SETBP1: variants seen among roughly 807,000 people sequenced by gnomAD.
SETBP1 encodes SET binding protein 1, also known as SET-binding protein.
In SETBP1, 9 loss-of-function variants were observed where a neutral mutation model predicts 101.0. The ratio of observed to expected loss-of-function variants is 0.09; its 90% CI spans 0.05 to 0.16. The LOEUF is 0.16. Among genes scored for constraint, SETBP1 ranks in the 10% least tolerant of loss-of-function variants. The pLI is 1.00. For missense variants in SETBP1, 1,858 were observed against 2,033.8 expected (o/e 0.91, Z 1.66); for synonymous variants, 818 against 788.5 (o/e 1.04, Z -0.63).
chr18:44,701,123 C>G (rs2144193640), intron 1 of SETBP1, 52 bp from the exon 2 acceptor site: 1 of 438,656 alleles, frequency 2.3e-6, no homozygotes, highest in South Asian at 7.7e-5. Context: ...ATTGAGTAAC[C>G]TTGGGGGTCA....
At chr18:44,700,158 A>G (rs566545102) in intron 1 of SETBP1, among the ~76,000 whole-genome samples, 74 of 152,212 alleles carry the variant, frequency 4.9e-4, no homozygotes, top group African/African-American at 1.7e-3. Context: ...TTTGAAAATT[A>G]TGAGTATGAA....
intron 1 of SETBP1, among the ~76,000 whole-genome samples, chr18:44,685,001 T>G (rs1229876165): frequency 6.6e-6 from 1 of 152,156 alleles, no homozygotes; most frequent in Non-Finnish European, 1.5e-5. Flanking sequence ...GTTGACTTCC[T>G]ACCCTGTTCA....
chr18:44,976,802 T>G (rs1302701307), intron 4 of SETBP1, among the ~76,000 whole-genome samples: 1 of 152,144 alleles, frequency 6.6e-6, no homozygotes, highest in Non-Finnish European at 1.5e-5. Context: ...GTTCTGAGAA[T>G]TAAAGGAGTG....
At chr18:44,857,193 G>A (rs1433219391) in intron 2 of SETBP1, among the ~76,000 whole-genome samples, 10 of 152,218 alleles carry the variant, frequency 6.6e-5, no homozygotes, top group African/African-American at 2.4e-4. Context: ...TGAGAGATGA[G>A]GGCATGGCTC....
chr18:44,720,461 G>T (rs2069562102), intron 2 of SETBP1, among the ~76,000 whole-genome samples: 1 of 152,194 alleles, frequency 6.6e-6, no homozygotes, highest in African/African-American at 2.4e-5. Context: ...GCTACACCTA[G>T]TATGAATGAT....
intron 2 of SETBP1, among the ~76,000 whole-genome samples, chr18:44,790,796 G>A (rs1401005767): frequency 1.3e-5 from 2 of 152,116 alleles, no homozygotes; most frequent in African/African-American, 4.8e-5. Flanking sequence ...TGTCCTAGGG[G>A]CTCAGGAATT....
chr18:44,815,700 C>G (rs2071960711), intron 2 of SETBP1, among the ~76,000 whole-genome samples: 1 of 152,178 alleles, frequency 6.6e-6, no homozygotes. Context: ...ATTAGCTGCT[C>G]TCGTCAACCA....
At chr18:44,757,160 AG>A (rs1450238370) in intron 2 of SETBP1, among the ~76,000 whole-genome samples, 1 of 152,126 alleles carries the variant, frequency 6.6e-6, no homozygotes, top group Non-Finnish European at 1.5e-5. Context: ...CAGGTGATTT[AG>A]GGCAGTGGGG....
intron 4 of SETBP1, among the ~76,000 whole-genome samples, chr18:45,002,128 T>A (rs1270852811): frequency 6.6e-6 from 1 of 152,096 alleles, no homozygotes; most frequent in African/African-American, 2.4e-5. Context: ...GTTCCCTGGC[T>A]CCCTGCCCTG....
chr18:44,722,150 G>GAAATCTTTGTGGCTTCTGA (rs1482327806), intron 2 of SETBP1, among the ~76,000 whole-genome samples: 1 of 152,064 alleles, frequency 6.6e-6, no homozygotes, highest in Non-Finnish European at 1.5e-5. Context: ...ACATGCATGT[G>GAAATCTTTGTGGCTTCTGA]TGTACCGAAA....
chr18:44,832,172 T>C (rs904131706), intron 2 of SETBP1, among the ~76,000 whole-genome samples: 2 of 152,206 alleles, frequency 1.3e-5, no homozygotes, highest in African/African-American at 4.8e-5. Context: ...CAGGTGACGC[T>C]AGACATCATT....
In SETBP1 at chr18:44,839,406, T is replaced by TTGCTGCTGC. The variant is rs80013756; in HGVS notation, c.487-29805_487-29797dup. 1.5e-4 allele frequency among the ~76,000 whole-genome samples: 23 copies of TTGCTGCTGC among 151,958 alleles called. No homozygotes were observed. In the East Asian group the frequency reaches 4.5e-3, roughly 30 times the overall value. Reference sequence around the variant, plus strand: ...TCAGCATGCTAGGCAAACCTGGGTGTTGCTGCTGCTGCTGCTGCTGCTGCT... The same window carrying TTGCTGCTGC: ...TCAGCATGCTAGGCAAACCTGGGTGTTGCTGCTGCTGCTGCTGCTGCTGCTGCTGCTGCT... On this transcript the variant is annotated intron_variant, in intron 2 of 5. Transcript: ENST00000649279.
chr18:44,922,033 A>G (rs1698518572), intron 3 of SETBP1, among the ~76,000 whole-genome samples: 1 of 152,222 alleles, frequency 6.6e-6, no homozygotes, highest in Non-Finnish European at 1.5e-5. Flanking sequence ...CTATTCCTGA[A>G]TCAGAGTAGC....
chr18:44,869,154 T>C, intron 2 of SETBP1, 76 bp from the exon 3 acceptor site: 1 of 1,287,024 alleles, frequency 7.8e-7, no homozygotes. Flanking sequence ...GTAAGTCCAT[T>C]GCTGGTCAGT....
intron 3 of SETBP1, among the ~76,000 whole-genome samples, chr18:44,918,558 G>A (rs1160504723): frequency 6.6e-6 from 1 of 152,216 alleles, no homozygotes; most frequent in Non-Finnish European, 1.5e-5. Context: ...AGATGTTGAG[G>A]CAGAGATGGG....
At chr18:44,814,311 G>C (rs1230112651) in intron 2 of SETBP1, among the ~76,000 whole-genome samples, 1 of 152,210 alleles carries the variant, frequency 6.6e-6, no homozygotes, top group African/African-American at 2.4e-5. Flanking sequence ...GGTAGAAATG[G>C]AGGTTGCTGG....
chr18:45,050,374 C>G (rs975561317), intron 5 of SETBP1, among the ~76,000 whole-genome samples: 12 of 152,174 alleles, frequency 7.9e-5, no homozygotes, highest in Non-Finnish European at 1.5e-4. Context: ...CTATCCAGGA[C>G]ACCTAAAGTT....
chr18:44,711,663 C>T (rs1464405365), intron 2 of SETBP1, among the ~76,000 whole-genome samples: 1 of 151,040 alleles, frequency 6.6e-6, no homozygotes, highest in Non-Finnish European at 1.5e-5. Flanking sequence ...GTAGCTAGTA[C>T]TGCAGGTGTG....
At position 45,038,530 on chromosome 18, in the gene SETBP1, G is replaced by C. The variant is rs1178340807; in HGVS notation, c.4046G>C (p.Ser1349Thr). The C allele has an allele frequency of 6.2e-6, 10 of 1,614,050 alleles. No homozygotes were observed. The African/African-American group carries it at 1.1e-4, about 17-fold the overall frequency. ...AAAGTGGACCAGACAGCAGTGCATAGTAAGAACGAAGGCTCAGTGCCCACC... is the reference window on the plus strand; with the variant it reads ...AAAGTGGACCAGACAGCAGTGCATACTAAGAACGAAGGCTCAGTGCCCACC... ...HLKVDQTAVH[S>T]KNEGSVPTMM... The change falls in exon 5 of 6, where the codon AGT becomes ACT. Residue 1349 changes from serine to threonine, a missense_variant. Coordinates refer to ENST00000649279, the MANE Select transcript of SETBP1 (RefSeq NM_015559.3).
Sources: allele counts gnomAD v4.1 joint callset (sites outside exome capture counted in the v4.1 genomes callset), GRCh38; gene constraint gnomAD v4.1.1; transcripts MANE v1.5; gene names NCBI Gene and HGNC (gene_info 2026-07-23, HGNC 2026-07-21).